Variants in DAB1 observed in about 807,000 individuals in gnomAD.
The protein encoded by DAB1 is DAB adaptor protein 1, also known as disabled homolog 1.
Under a neutral mutation model 64.6 loss-of-function variants are expected in DAB1, and 15 were observed. The ratio of observed to expected loss-of-function variants is 0.23; its 90% confidence interval spans 0.16 to 0.36. DAB1 has a LOEUF of 0.36. Among genes scored for constraint, DAB1 ranks in the 10% least tolerant of loss-of-function variants. The pLI is 1.00. For missense variants in DAB1, 596 were observed against 706.7 expected, an observed-to-expected ratio of 0.84 and a Z score of 1.78; for synonymous variants, 235 against 251.9, an observed-to-expected ratio of 0.93 and a Z score of 0.64.
intron 2 of DAB1, among the ~76,000 whole-genome samples, chr1:57,226,697 A>ATC (rs1667296515): frequency 6.8e-6 from 1 of 146,950 alleles, no homozygotes; most frequent in African/African-American, 2.5e-5. Context: ...ATATATATAT[A>ATC]TCAGTGTTTA....
intron 7 of DAB1, among the ~76,000 whole-genome samples, chr1:57,482,993 C>T (rs1291361579): frequency 1.3e-5 from 2 of 152,090 alleles, no homozygotes; most frequent in Non-Finnish European, 2.9e-5. Context: ...TATTTGAACA[C>T]ATATTACATG....
chr1:58,445,929 T>C (rs79864403), intron 3 of DAB1, among the ~76,000 whole-genome samples: 2,340 of 152,140 alleles, frequency 0.015, 30 homozygotes, highest in Non-Finnish European at 0.025. Flanking sequence ...TCTGCCATAA[T>C]AAGATTTTCA....
chr1:57,422,376 G>A (rs1171846426), intron 1 of DAB1, among the ~76,000 whole-genome samples: 1 of 152,088 alleles, frequency 6.6e-6, no homozygotes, highest in Non-Finnish European at 1.5e-5. Flanking sequence ...GCTCGCCCCC[G>A]GGCTCGCCCC....
At chr1:57,543,782 G>GA (rs34197085) in intron 7 of DAB1, among the ~76,000 whole-genome samples, 144,563 of 152,158 alleles carry the variant, frequency 0.95, 69,081 homozygotes, top group East Asian at 1. Context: ...GCATATTTAG[G>GA]AATTGTTAAT....
Position 57,096,958 on chromosome 1 carries a change from T to C in DAB1, c.307-24544A>G, listed in dbSNP as rs140774261. ...CTTACTGATCACAGCCCTTGCCCCA[T>C]GGGATTGTAATTATGGATTTTTCTT... On this transcript the variant is annotated intron_variant, in intron 4 of 14. Coordinates refer to ENST00000371236, the MANE Select transcript of DAB1 (RefSeq NM_001365792.1). Among the ~76,000 whole-genome samples the C allele has an allele frequency of 1.4e-3, 209 of 152,250 alleles. 1 individual carries two copies. Among genetic ancestry groups the C allele is most frequent in the African/African-American group, 4.3e-3 (180 of 41,568 alleles).
chr1:58,156,781 AAGG>A (rs1157703423), intron 4 of DAB1, among the ~76,000 whole-genome samples: 1 of 152,192 alleles, frequency 6.6e-6, no homozygotes, highest in Admixed American at 6.5e-5. Context: ...TTGATTGTGG[AAGG>A]AGTTTAGACT....
chr1:57,678,772 T>TG (rs1646600342), intron 6 of DAB1, among the ~76,000 whole-genome samples: 1 of 150,970 alleles, frequency 6.6e-6, no homozygotes. Context: ...TTTTTTGTTT[T>TG]TTTTTTCTTT....
At chr1:57,198,418 G>A (rs1266727349) in intron 2 of DAB1, among the ~76,000 whole-genome samples, 2 of 152,272 alleles carry the variant, frequency 1.3e-5, no homozygotes, top group Admixed American at 6.5e-5. Context: ...TAGAATAAAA[G>A]TCAGAATGCT....
chr1:57,996,521 T>G (rs1017741498), intron 5 of DAB1, among the ~76,000 whole-genome samples: 1 of 152,202 alleles, frequency 6.6e-6, no homozygotes, highest in Non-Finnish European at 1.5e-5. Flanking sequence ...TTTCTCAAAA[T>G]TATGACTATC....
At chr1:57,389,138 T>C (rs550736745) in intron 1 of DAB1, among the ~76,000 whole-genome samples, 1 of 152,224 alleles carries the variant, frequency 6.6e-6, no homozygotes, top group South Asian at 2.1e-4. Context: ...TTTACCATTC[T>C]TGTTGTCATT....
At chr1:57,478,059 G>A (rs1204375868) in intron 7 of DAB1, among the ~76,000 whole-genome samples, 4 of 139,468 alleles carry the variant, frequency 2.9e-5, no homozygotes, top group African/African-American at 8.2e-5. Flanking sequence ...CCCCGCCCCC[G>A]ACCCCACAAC....
intron 5 of DAB1, among the ~76,000 whole-genome samples, chr1:57,976,677 C>T (rs1012069604): frequency 2.6e-5 from 4 of 151,962 alleles, no homozygotes; most frequent in Admixed American, 2.0e-4. Flanking sequence ...TTCTCTGCAC[C>T]GAAAAAGAAA....
intron 6 of DAB1, among the ~76,000 whole-genome samples, chr1:57,817,648 T>C (rs1651930289): frequency 1.3e-5 from 2 of 152,148 alleles, no homozygotes; most frequent in African/African-American, 2.4e-5. Flanking sequence ...CCACTCAAAA[T>C]TATTGATTTG....
At chr1:57,116,479 A>AAAAAG (rs1656138319) in intron 4 of DAB1, among the ~76,000 whole-genome samples, 1 of 148,386 alleles carries the variant, frequency 6.7e-6, no homozygotes, top group Non-Finnish European at 1.5e-5. Context: ...AAAAAAAAAA[A>AAAAAG]AAAAGAAAGA....
intron 4 of DAB1, among the ~76,000 whole-genome samples, chr1:58,231,183 C>T (rs1295362962): frequency 2.0e-5 from 3 of 152,228 alleles, no homozygotes; most frequent in East Asian, 1.9e-4. Context: ...GAAACTGAGT[C>T]GAGAGAGTGT....
intron 1 of DAB1, among the ~76,000 whole-genome samples, chr1:57,331,713 A>G (rs894614825): frequency 2.6e-5 from 4 of 152,220 alleles, no homozygotes; most frequent in African/African-American, 7.2e-5. Context: ...TTAAAAGACA[A>G]ATTCTCAAAA....
chr1:57,352,585 A>G (rs1172406834), intron 1 of DAB1, among the ~76,000 whole-genome samples: 1 of 152,170 alleles, frequency 6.6e-6, no homozygotes, highest in East Asian at 1.9e-4. Context: ...CCTCCATTTT[A>G]CAGACCAAGA....
intron 5 of DAB1, among the ~76,000 whole-genome samples, chr1:57,993,442 C>T (rs1646378284): frequency 6.6e-6 from 1 of 152,158 alleles, no homozygotes; most frequent in Non-Finnish European, 1.5e-5. Flanking sequence ...TTATTGAACA[C>T]TGTAATTGCC....
intron 6 of DAB1, among the ~76,000 whole-genome samples, chr1:57,746,828 A>G (rs1648295001): frequency 6.6e-6 from 1 of 151,856 alleles, no homozygotes; most frequent in South Asian, 2.1e-4. Context: ...GGTTGAACCC[A>G]TGATGTGGAA....
Sources: allele counts gnomAD v4.1 joint callset (sites outside exome capture counted in the v4.1 genomes callset), GRCh38; gene constraint gnomAD v4.1.1; transcripts MANE v1.5; gene names NCBI Gene and HGNC (gene_info 2026-07-23, HGNC 2026-07-21).